The following SPAG16 variants were observed in gnomAD, a reference collection of about 807,000 sequenced individuals.
SPAG16 encodes the protein sperm associated antigen 16.
Under a neutral mutation model 80.4 loss-of-function variants are expected in SPAG16, and 86 were observed. That is an observed-to-expected ratio of 1.07 (90% CI 0.90 to 1.28). SPAG16 has a LOEUF of 1.28. Among genes scored for constraint, SPAG16 ranks in the 50% most tolerant of loss-of-function variants. The probability of loss-of-function intolerance (pLI) is 0.00; values close to 1 mark genes in which losing one functional copy is unlikely to be tolerated. For missense variants in SPAG16, 870 were observed against 765.3 expected (o/e 1.14, Z -1.61); for synonymous variants, 294 against 265.9 (o/e 1.11, Z -1.03).
At chr2:213,661,846 C>T (rs1574696306) in intron 10 of SPAG16, among the ~76,000 whole-genome samples, 1 of 152,160 alleles carries the variant, frequency 6.6e-6, no homozygotes, top group African/African-American at 2.4e-5. Context: ...GATAATAATT[C>T]CTGAATTACC....
chr2:213,438,039 G>C (rs2070739939), intron 9 of SPAG16, among the ~76,000 whole-genome samples: 1 of 152,176 alleles, frequency 6.6e-6, no homozygotes, highest in South Asian at 2.1e-4. Flanking sequence ...TTGCATCTGA[G>C]AGGTTCAGGC....
intron 10 of SPAG16, among the ~76,000 whole-genome samples, chr2:213,620,528 GTGA>G (rs950232301): frequency 3.3e-5 from 5 of 151,852 alleles, no homozygotes; most frequent in Non-Finnish European, 7.4e-5. Context: ...TCTTGACCTC[GTGA>G]TCCACCTGTC....
At chr2:214,243,037 T>C (rs766145356) in intron 15 of SPAG16, among the ~76,000 whole-genome samples, 10 of 152,136 alleles carry the variant, frequency 6.6e-5, no homozygotes, top group Non-Finnish European at 1.3e-4. Context: ...GCATGTATAA[T>C]AAAATCCTGT....
intron 11 of SPAG16, among the ~76,000 whole-genome samples, chr2:213,922,890 A>G (rs7596861): frequency 0.59 from 88,930 of 151,948 alleles, 27,829 homozygotes; most frequent in South Asian, 0.84. Flanking sequence ...GCTGCGGTTG[A>G]CAGACAAGCT....
At chr2:214,115,406 G>A (rs532464332) in intron 14 of SPAG16, among the ~76,000 whole-genome samples, 1 of 152,306 alleles carries the variant, frequency 6.6e-6, no homozygotes, top group Non-Finnish European at 1.5e-5. Flanking sequence ...TTTAGGGATA[G>A]ACATTCATGT....
chr2:213,925,261 C>A (rs938556945), intron 11 of SPAG16, among the ~76,000 whole-genome samples: 2 of 151,928 alleles, frequency 1.3e-5, no homozygotes, highest in Admixed American at 6.6e-5. Flanking sequence ...CCTTTCAGAT[C>A]TTCTGTCCCT....
chr2:213,860,363 A>ATATG (rs1491344050), intron 10 of SPAG16, among the ~76,000 whole-genome samples: 6 of 50,238 alleles, frequency 1.2e-4, no homozygotes, highest in African/African-American at 2.9e-4. Context: ...ATATATATAT[A>ATATG]TGTGTGTGTG....
chr2:214,307,339 A>G (rs1238215459), intron 15 of SPAG16, among the ~76,000 whole-genome samples: 2 of 152,050 alleles, frequency 1.3e-5, no homozygotes, highest in African/African-American at 4.8e-5. Flanking sequence ...CCAAAAAAAC[A>G]GCTCCTGGTT....
In SPAG16 at chr2:213,859,786, A is replaced by G. The variant is rs116759616; in HGVS notation, c.1071-2699A>G. On this transcript the variant is annotated intron_variant, in intron 10 of 15. Transcript: ENST00000331683. ...TAAAATAATAATACTGATAGTACCA[A>G]CATCAGTCACTAAGTCATGTATTTG... is the stretch of plus-strand genomic sequence containing the variant. Among the ~76,000 whole-genome samples the G allele has an allele frequency of 5.5e-3, 832 of 152,254 alleles. 9 individuals are homozygous for G. Among genetic ancestry groups the G allele is most frequent in the African/African-American group, 0.019 (782 of 41,534 alleles).
intron 14 of SPAG16, among the ~76,000 whole-genome samples, chr2:214,123,932 C>T (rs946510007): frequency 1.3e-5 from 2 of 151,918 alleles, no homozygotes; most frequent in Non-Finnish European, 2.9e-5. Flanking sequence ...GGTAATGTCA[C>T]CTATACAAAG....
chr2:213,398,738 A>G (rs1170335506), intron 9 of SPAG16, among the ~76,000 whole-genome samples: 6 of 152,080 alleles, frequency 3.9e-5, no homozygotes, highest in Admixed American at 6.6e-5. Flanking sequence ...CCTATCTTAC[A>G]TATCTCTCAT....
chr2:214,117,404 G>T (rs2053988037), intron 14 of SPAG16, among the ~76,000 whole-genome samples: 1 of 152,116 alleles, frequency 6.6e-6, no homozygotes, highest in Non-Finnish European at 1.5e-5. Flanking sequence ...CTTCACTGCT[G>T]AATTCTACCA....
chr2:213,830,439 A>T (rs905805136), intron 10 of SPAG16, among the ~76,000 whole-genome samples: 1 of 152,248 alleles, frequency 6.6e-6, no homozygotes, highest in Admixed American at 6.5e-5. Context: ...AGTGATATGA[A>T]ATTAAAAACA....
intron 3 of SPAG16, among the ~76,000 whole-genome samples, chr2:213,306,605 G>T (rs1042925109): frequency 6.6e-6 from 1 of 151,824 alleles, no homozygotes; most frequent in Non-Finnish European, 1.5e-5. Flanking sequence ...TGGTGGTGAG[G>T]CTTTCTGGAA....
chr2:214,095,166 C>T (rs556110665), intron 13 of SPAG16, among the ~76,000 whole-genome samples: 4 of 152,120 alleles, frequency 2.6e-5, no homozygotes, highest in South Asian at 2.1e-4. Context: ...CCCTTCATAG[C>T]GTTTATCAAA....
chr2:213,729,570 T>G (rs2066935122), intron 10 of SPAG16, among the ~76,000 whole-genome samples: 1 of 152,222 alleles, frequency 6.6e-6, no homozygotes, highest in Admixed American at 6.5e-5. Flanking sequence ...AGTGACCCAA[T>G]GGCCCTCAGT....
Position 213,387,885 on chromosome 2 carries a change from T to C in SPAG16, c.942+12766T>C, listed in dbSNP as rs142050909. 1.6e-4 allele frequency among the ~76,000 whole-genome samples: 25 copies of C among 152,268 alleles called. No homozygotes were observed. The East Asian group carries it at 4.8e-3, about 29-fold the overall frequency. On this transcript the variant is annotated intron_variant, in intron 9 of 15. Coordinates refer to ENST00000331683, the MANE Select transcript of SPAG16 (RefSeq NM_024532.5). The stretch of plus-strand genomic sequence containing the variant: ...TGCTGGAAATGGTGTTTTAAAATAT[T>C]ATAAAGATCTAGTAAGAAAACATAG...
intron 8 of SPAG16, among the ~76,000 whole-genome samples, chr2:213,372,950 G>T (rs1474566796): frequency 6.6e-6 from 1 of 152,148 alleles, no homozygotes; most frequent in Non-Finnish European, 1.5e-5. Context: ...AATTGAGTGG[G>T]TAAAATTTAG....
intron 15 of SPAG16, among the ~76,000 whole-genome samples, chr2:214,385,786 G>A (rs541436672): frequency 6.6e-6 from 1 of 152,252 alleles, no homozygotes; most frequent in Admixed American, 6.5e-5. Context: ...GGAGGTTGCA[G>A]TGAGCTGAGA....
Sources: allele counts gnomAD v4.1 joint callset (sites outside exome capture counted in the v4.1 genomes callset), GRCh38; gene constraint gnomAD v4.1.1; transcripts MANE v1.5; gene names NCBI Gene and HGNC (gene_info 2026-07-23, HGNC 2026-07-21).